Variants in GRM8 observed in about 807,000 individuals in gnomAD.
GRM8 encodes the protein glutamate metabotropic receptor 8, also known as metabotropic glutamate receptor 8.
In GRM8, 47 loss-of-function variants were observed where a neutral mutation model predicts 87.2. That is an observed-to-expected ratio of 0.54 (90% CI 0.43 to 0.69). The LOEUF (loss-of-function observed/expected upper bound fraction) is 0.69. Among genes scored for constraint, GRM8 ranks in the 30% least tolerant of loss-of-function variants. The pLI, the probability that GRM8 is intolerant of heterozygous loss-of-function variation, is 0.00. For synonymous variants in GRM8, 396 were observed against 404.5 expected (o/e 0.98, Z 0.25); for missense variants, 1,019 against 1,139.2 (o/e 0.89, Z 1.52).
chr7:126,813,071 A>G (rs1476945431), intron 6 of GRM8, among the ~76,000 whole-genome samples: 2 of 152,072 alleles, frequency 1.3e-5, no homozygotes, highest in Non-Finnish European at 2.9e-5. Context: ...AACTAAGCTT[A>G]ATACCTGGGT....
intron 3 of GRM8, among the ~76,000 whole-genome samples, chr7:126,907,233 G>T (rs1398273931): frequency 2.7e-5 from 4 of 147,356 alleles, no homozygotes; most frequent in African/African-American, 1.0e-4. Flanking sequence ...GGAGGAGGAG[G>T]AAGAGATGGA....
intron 8 of GRM8, among the ~76,000 whole-genome samples, chr7:126,591,582 A>C (rs1796670549): frequency 6.6e-6 from 1 of 152,016 alleles, no homozygotes; most frequent in Admixed American, 6.6e-5. Flanking sequence ...TCTTGAGACA[A>C]ACAAAAATGA....
chr7:126,847,336 T>C (rs1796790625), intron 6 of GRM8, among the ~76,000 whole-genome samples: 1 of 152,208 alleles, frequency 6.6e-6, no homozygotes, highest in Non-Finnish European at 1.5e-5. Context: ...GTGGATGATA[T>C]ACAAAGATAA....
rs17874693 is a variant in GRM8, at chr7:126,952,055, A to G, written c.728-47372T>C. On this transcript the variant is annotated intron_variant, in intron 3 of 10. Coordinates refer to ENST00000339582, the MANE Select transcript of GRM8 (RefSeq NM_000845.3). The stretch of plus-strand genomic sequence containing the variant: ...GAAAGAAAGAAAGAAAAAAGCTTGG[A>G]CAAGTGATTGATTTCAGGACTAGAG... 7.7e-3 allele frequency among the ~76,000 whole-genome samples: 1,169 copies of G among 151,880 alleles called. 16 individuals are homozygous for G. Among genetic ancestry groups the G allele is most frequent in the African/African-American group, 0.026 (1,079 of 41,476 alleles).
intron 9 of GRM8, among the ~76,000 whole-genome samples, chr7:126,522,411 G>T (rs1445358646): frequency 1.3e-5 from 2 of 152,136 alleles, no homozygotes; most frequent in Non-Finnish European, 2.9e-5. Flanking sequence ...GCTCAAAAAG[G>T]TTAAATATAC....
chr7:127,095,737 G>C (rs936924017), intron 3 of GRM8: 2 of 152,152 alleles, frequency 1.3e-5, no homozygotes, highest in Non-Finnish European at 2.9e-5. Flanking sequence ...TGAACTGCAG[G>C]ATGCTCTCTC....
chr7:126,476,975 T>A (rs1312757353), intron 9 of GRM8, among the ~76,000 whole-genome samples: 2 of 152,118 alleles, frequency 1.3e-5, no homozygotes, highest in Non-Finnish European at 2.9e-5. Flanking sequence ...AGCAGAGATA[T>A]GGAAATAACC....
At chr7:126,517,287 G>C (rs1812320542) in intron 9 of GRM8, among the ~76,000 whole-genome samples, 1 of 152,030 alleles carries the variant, frequency 6.6e-6, no homozygotes, top group Non-Finnish European at 1.5e-5. Context: ...AAGGGATTTA[G>C]GTTGGTCAGT....
intron 9 of GRM8, among the ~76,000 whole-genome samples, chr7:126,480,612 T>G (rs1806556730): frequency 6.6e-6 from 1 of 151,982 alleles, no homozygotes; most frequent in Admixed American, 6.6e-5. Context: ...AGAAAGAAGG[T>G]ACAATCAAGA....
chr7:126,732,065 T>C lies in GRM8; in HGVS notation c.1357+37800A>G, dbSNP rs947736680. 7.2e-5 allele frequency among the ~76,000 whole-genome samples: 11 copies of C among 152,056 alleles called. No homozygotes were observed. In the South Asian group the frequency reaches 2.1e-3, roughly 29 times the overall value. ...TTGACAATCCCTCAGCATGCAAGTATCACCAAAACTCTTACTTAAATGTGC... is the reference window on the plus strand; with the variant it reads ...TTGACAATCCCTCAGCATGCAAGTACCACCAAAACTCTTACTTAAATGTGC... On this transcript the variant is annotated intron_variant, in intron 7 of 10. Transcript: ENST00000339582.
intron 8 of GRM8, among the ~76,000 whole-genome samples, chr7:126,551,408 G>A (rs977519287): frequency 6.6e-6 from 1 of 152,074 alleles, no homozygotes; most frequent in Non-Finnish European, 1.5e-5. Flanking sequence ...ACTGCCCATG[G>A]TTTTATCCTT....
intron 6 of GRM8, 27 bp from the exon 7 acceptor site, chr7:126,770,092 C>T (rs1420733795): frequency 2.7e-6 from 4 of 1,506,634 alleles, no homozygotes; most frequent in Admixed American, 1.8e-5. Context: ...TAAAAACCAT[C>T]AGTTGATGTT....
intron 2 of GRM8, among the ~76,000 whole-genome samples, chr7:127,218,023 C>T (rs1466117280): frequency 1.3e-5 from 2 of 152,216 alleles, no homozygotes; most frequent in Non-Finnish European, 2.9e-5. Context: ...CCCAGAGCCA[C>T]TGAATTAGCA....
At chr7:127,073,158 C>T (rs1821896586) in intron 3 of GRM8, among the ~76,000 whole-genome samples, 1 of 152,110 alleles carries the variant, frequency 6.6e-6, no homozygotes, top group African/African-American at 2.4e-5. Flanking sequence ...CTGAGCAGAC[C>T]TTTGAGAGGG....
At chr7:126,932,413 CAAAA>C (rs991669725) in intron 3 of GRM8, among the ~76,000 whole-genome samples, 3 of 151,676 alleles carry the variant, frequency 2.0e-5, no homozygotes, top group Non-Finnish European at 4.4e-5. Flanking sequence ...TGGCACTACA[CAAAA>C]AAAATCACAG....
intron 2 of GRM8, among the ~76,000 whole-genome samples, chr7:127,211,752 A>T (rs1486544457): frequency 6.6e-6 from 1 of 152,178 alleles, no homozygotes; most frequent in East Asian, 1.9e-4. Context: ...CCATCTGTGG[A>T]GCAGAGGGCA....
chr7:127,059,130 G>A (rs2132562919), intron 3 of GRM8, among the ~76,000 whole-genome samples: 1 of 152,090 alleles, frequency 6.6e-6, no homozygotes, highest in Non-Finnish European at 1.5e-5. Context: ...GATAATCTAG[G>A]GTTGCCAAGA....
At chr7:126,840,046 T>TC (rs763433676) in intron 6 of GRM8, among the ~76,000 whole-genome samples, 5 of 152,208 alleles carry the variant, frequency 3.3e-5, no homozygotes, top group Non-Finnish European at 7.3e-5. Context: ...AGTTGTTTTT[T>TC]CACCACCATA....
chr7:127,231,677 G>A (rs1587340782), intron 2 of GRM8, among the ~76,000 whole-genome samples: 1 of 152,054 alleles, frequency 6.6e-6, no homozygotes, highest in Non-Finnish European at 1.5e-5. Context: ...TCAACAAAAG[G>A]TAACATTCTT....
Sources: allele counts gnomAD v4.1 joint callset (sites outside exome capture counted in the v4.1 genomes callset), GRCh38; gene constraint gnomAD v4.1.1; transcripts MANE v1.5; gene names NCBI Gene and HGNC (gene_info 2026-07-23, HGNC 2026-07-21).